Variants in LAMA2 observed in about 807,000 individuals in gnomAD.
LAMA2 encodes the protein laminin subunit alpha 2, also known as laminin subunit alpha-2.
Under a neutral mutation model 364.8 loss-of-function variants are expected in LAMA2, and 269 were observed. The observed-to-expected ratio is 0.74, with a 90% CI of 0.67 to 0.82. The LOEUF (loss-of-function observed/expected upper bound fraction) is 0.82, where lower values mean the gene tolerates loss of function less well. LAMA2 is among the 40% of genes least tolerant of loss of function. The pLI, the probability that LAMA2 is intolerant of heterozygous loss-of-function variation, is 0.00. For missense variants in LAMA2, 3,807 were observed against 3,873.2 expected, an observed-to-expected ratio of 0.98 and a Z score of 0.45; for synonymous variants, 1,379 against 1,370.6, an observed-to-expected ratio of 1.01 and a Z score of -0.14.
At chr6:129,219,128 T>A (rs1466074943) in intron 12 of LAMA2, among the ~76,000 whole-genome samples, 1 of 152,130 alleles carries the variant, frequency 6.6e-6, no homozygotes, top group African/African-American at 2.4e-5. Flanking sequence ...CCAGGAAGTA[T>A]GTGATCCATA....
chr6:129,194,210 T>C (rs1387476869), intron 12 of LAMA2, among the ~76,000 whole-genome samples: 2 of 148,272 alleles, frequency 1.3e-5, no homozygotes, highest in Admixed American at 1.3e-4. Flanking sequence ...ACTGTCAATT[T>C]AAAAAAAAAA....
In LAMA2 at chr6:128,900,475, ACACTTACTTCC is replaced by A. The variant is rs575241760; in HGVS notation, c.112+17126_112+17136del. The stretch of plus-strand genomic sequence containing the variant: ...AGGAAGAGCTAACTTTTAGGAAGGA[ACACTTACTTCC>A]CACTTACAGTTATTGAAAAAACTAT... On this transcript the variant is annotated intron_variant, in intron 1 of 64. Transcript: ENST00000421865. 5.9e-3 allele frequency among the ~76,000 whole-genome samples: 904 copies of A among 152,354 alleles called. 6 individuals carry two copies. Among genetic ancestry groups the A allele is most frequent in the Middle Eastern group, 0.01 (3 of 294 alleles).
At chr6:129,355,089 G>A (rs1267177169) in intron 32 of LAMA2, among the ~76,000 whole-genome samples, 7 of 149,150 alleles carry the variant, frequency 4.7e-5, no homozygotes, top group Non-Finnish European at 1.0e-4. Context: ...TAAAAGAATA[G>A]CAGTTTTTAT....
chr6:129,401,821 G>A (rs1243321827), intron 38 of LAMA2, among the ~76,000 whole-genome samples: 1 of 142,884 alleles, frequency 7.0e-6, no homozygotes, highest in Non-Finnish European at 1.5e-5. Flanking sequence ...GGTCTAAGTT[G>A]GTTTCTTAAA....
rs1554207590 is a variant in LAMA2 at position 129,055,176 on chromosome 6, T to TTTATTATTATTATTTATTATTATTA, written c.284-4594_284-4593insTATTATTATTATTATTATTATTATT. Among the ~76,000 whole-genome samples, 409 of 123,738 alleles carry TTTATTATTATTATTTATTATTATTA rather than the reference T, an allele frequency of 3.3e-3. 6 individuals are homozygous for TTTATTATTATTATTTATTATTATTA. Among genetic ancestry groups the TTTATTATTATTATTTATTATTATTA allele is most frequent in the African/African-American group, 0.013 (394 of 30,176 alleles). 81.2% of individuals were successfully genotyped at this position (123,738 alleles called of 152,430 possible). A position where few individuals can be genotyped will look rare whatever the true frequency, so the allele number is the denominator to read the frequency against. ...CTGGATTTACTTTACATTATTATTA[T>TTTATTATTATTATTTATTATTATTA]TTATTATTATTATTATTATTATTAT... On this transcript the variant is annotated intron_variant, in intron 2 of 64. Transcript: ENST00000421865.
chr6:129,370,957 A>G (rs1179827679), intron 34 of LAMA2, among the ~76,000 whole-genome samples: 1 of 152,236 alleles, frequency 6.6e-6, no homozygotes, highest in East Asian at 1.9e-4. Flanking sequence ...ACAATAGCAT[A>G]CTAAACACTT....
intron 15 of LAMA2, among the ~76,000 whole-genome samples, chr6:129,265,426 CT>C (rs1787437038): frequency 6.6e-6 from 1 of 152,114 alleles, no homozygotes; most frequent in Non-Finnish European, 1.5e-5. Context: ...GAATATCTGT[CT>C]GAAAACAGTA....
intron 4 of LAMA2, among the ~76,000 whole-genome samples, chr6:129,136,677 T>C (rs1777814558): frequency 6.6e-6 from 1 of 152,218 alleles, no homozygotes; most frequent in South Asian, 2.1e-4. Context: ...CTTATTATGC[T>C]GAAATTTATT....
intron 52 of LAMA2, 104 bp downstream of exon 52, chr6:129,473,456 C>A: frequency 8.6e-7 from 1 of 1,159,050 alleles, no homozygotes; most frequent in Non-Finnish European, 1.3e-6. Context: ...TCATATAACC[C>A]TTGGTTGCAG....
chr6:129,211,581 T>C (rs1171472701), intron 12 of LAMA2, among the ~76,000 whole-genome samples: 1 of 152,214 alleles, frequency 6.6e-6, no homozygotes. Context: ...AAAATGCCCG[T>C]GGTAAGTGTT....
chr6:128,947,760 A>G (rs1582745446), intron 1 of LAMA2, among the ~76,000 whole-genome samples: 1 of 152,224 alleles, frequency 6.6e-6, no homozygotes, highest in South Asian at 2.1e-4. Flanking sequence ...GCAAAGAGGG[A>G]TAGAGATTGT....
intron 4 of LAMA2, among the ~76,000 whole-genome samples, chr6:129,120,665 G>A (rs1482642127): frequency 6.6e-6 from 1 of 152,102 alleles, no homozygotes; most frequent in Non-Finnish European, 1.5e-5. Context: ...TGTCTTTAGT[G>A]CTATTTTGTT....
At chr6:129,494,331 A>C (rs889227658) in intron 58 of LAMA2, among the ~76,000 whole-genome samples, 2 of 152,260 alleles carry the variant, frequency 1.3e-5, no homozygotes, top group Non-Finnish European at 2.9e-5. Flanking sequence ...GATAACCATC[A>C]TTCAAGAAAA....
chr6:129,492,181 G>A, intron 57 of LAMA2, 104 bp downstream of exon 57: 7 of 1,398,368 alleles, frequency 5.0e-6, no homozygotes, highest in Admixed American at 1.7e-5. Context: ...GGGGAGGAGG[G>A]AAACAATGAG....
intron 47 of LAMA2, among the ~76,000 whole-genome samples, chr6:129,454,868 C>T (rs866243174): frequency 6.6e-6 from 1 of 152,226 alleles, no homozygotes. Context: ...ACTTCCCTCC[C>T]ATTTTCTCTT....
intron 9 of LAMA2, among the ~76,000 whole-genome samples, chr6:129,170,437 GA>G (rs1223625268): frequency 1.5e-5 from 2 of 129,194 alleles, no homozygotes; most frequent in Non-Finnish European, 3.1e-5. Flanking sequence ...AGTCATTCAG[GA>G]GCAGGTTGTT....
At chr6:129,409,040 C>T (rs1243450139) in intron 40 of LAMA2, among the ~76,000 whole-genome samples, 2 of 152,216 alleles carry the variant, frequency 1.3e-5, no homozygotes, top group African/African-American at 4.8e-5. Context: ...AAGTCCCTGA[C>T]CATCCAGCCA....
At chr6:129,140,562 G>A (rs975684785) in intron 4 of LAMA2, among the ~76,000 whole-genome samples, 5 of 152,074 alleles carry the variant, frequency 3.3e-5, no homozygotes, top group Non-Finnish European at 5.9e-5. Context: ...CAGCAAGACA[G>A]TGGTGGTCTT....
At position 129,514,508 on chromosome 6, in the gene LAMA2, G is replaced by T. The variant is rs765232205; in HGVS notation, c.9124G>T (p.Asp3042Tyr). 1.2e-6 allele frequency: 2 copies of T among 1,614,142 alleles called. No homozygotes were observed. The highest frequency in any genetic ancestry group is 1.1e-5 in the South Asian group (1 of 91,084). Residue 3042 changes from aspartate to tyrosine, a missense_variant, in exon 64 of 65, where the codon GAT becomes TAT. By Grantham distance (160) the Asp-to-Tyr change is radical. Around this residue, in one of 3 missense-constraint regions of LAMA2, gnomAD observed 3,333 missense variants for 3,345.7 expected, o/e 1.00. Coordinates refer to ENST00000421865, the MANE Select transcript of LAMA2 (RefSeq NM_000426.4). ...CAAACACCGCATTGAGCTCACAGTC[G>T]ATGGGAACCAGGTGGAAGCCCAAAG... ...KIKHRIELTVDGNQVEAQSPN... is the reference protein window; with the variant it reads ...KIKHRIELTVYGNQVEAQSPN...
Sources: allele counts gnomAD v4.1 joint callset (sites outside exome capture counted in the v4.1 genomes callset), GRCh38; gene constraint gnomAD v4.1.1; regional missense constraint gnomAD v4.1.1; transcripts MANE v1.5; gene names NCBI Gene and HGNC (gene_info 2026-07-23, HGNC 2026-07-21).